C1orf159: variants seen among roughly 807,000 people sequenced by gnomAD.
C1orf159 encodes the protein chromosome 1 open reading frame 159.
In C1orf159, 19 loss-of-function variants were observed where a neutral mutation model predicts 25.6. The ratio of observed to expected loss-of-function variants is 0.74; its 90% confidence interval spans 0.52 to 1.09. C1orf159 has a LOEUF of 1.09. Ranked by LOEUF, C1orf159 falls within the 50% of genes least tolerant of loss-of-function variation. C1orf159 has a pLI of 0.00. For synonymous variants in C1orf159, 139 were observed against 124.7 expected (o/e 1.12, Z -0.77); for missense variants, 274 against 290.6 (o/e 0.94, Z 0.42).
chr1:1,085,702 G>A (rs779046422), intron 7 of C1orf159, among the ~76,000 whole-genome samples, 176 bp downstream of exon 7: 5 of 152,162 alleles, frequency 3.3e-5, no homozygotes, highest in East Asian at 1.9e-4. Flanking sequence ...GGCTGTTTCC[G>A]GGAAGTGACG....
chr1:1,110,092 C>T lies in C1orf159; in HGVS notation c.-136+5968G>A, dbSNP rs1357215478. On this transcript the variant is annotated intron_variant, in intron 1 of 9. Transcript: ENST00000421241. This position sits in a 1 kb window ranked among gnomAD's most constrained non-coding sequence, Gnocchi z 4.8. ...ACTGTAAGGGTGTGTGACTTAACCC[C>T]GGCCTGGCACGGCCTTAGGTCCTGA... Among the ~76,000 whole-genome samples the T allele has an allele frequency of 2.0e-5, 3 of 152,238 alleles. No individual in the cohort carries two copies. Among genetic ancestry groups the T allele is most frequent in the South Asian group, 2.1e-4 (1 of 4,832 alleles).
chr1:1,098,151 C>T (rs1646035162), intron 1 of C1orf159, among the ~76,000 whole-genome samples: 2 of 152,020 alleles, frequency 1.3e-5, no homozygotes, highest in South Asian at 4.1e-4. Context: ...TCACTGCCAG[C>T]TCCACCTCTA....
At chr1:1,086,157 T>G in intron 6 of C1orf159, 145 bp from the exon 7 acceptor site, 1 of 1,050,522 alleles carries the variant, frequency 9.5e-7, no homozygotes, top group Non-Finnish European at 1.4e-6. Flanking sequence ...CCGAGGGCTC[T>G]GCACATGGGC....
chr1:1,111,648 A>G (rs115393237), intron 1 of C1orf159, among the ~76,000 whole-genome samples: 5,419 of 152,302 alleles, frequency 0.036, 162 homozygotes, highest in Non-Finnish European at 0.06. Context: ...CGGCTGGGGC[A>G]GTGGGTAGAC....
rs551409760 is a variant in C1orf159 at position 1,110,771 on chromosome 1, G to A, written c.-136+5289C>T. On this transcript the variant is annotated intron_variant, in intron 1 of 9. Transcript: ENST00000421241. This position sits in a 1 kb window ranked among gnomAD's most constrained non-coding sequence, Gnocchi z 4.8. ...CCACCCGGGCGCCCTCAGAGACGACGAGCACGCAACAGCGCATCCCACACC... is the reference window on the plus strand; with the variant it reads ...CCACCCGGGCGCCCTCAGAGACGACAAGCACGCAACAGCGCATCCCACACC... 2.2e-4 allele frequency among the ~76,000 whole-genome samples: 33 copies of A among 152,246 alleles called. No individual in the cohort carries two copies. Among genetic ancestry groups the A allele is most frequent in the Non-Finnish European group, 3.2e-4 (22 of 68,016 alleles).
At position 1,082,238 on chromosome 1, in the gene C1orf159, T is replaced by A. The variant is rs924740095; in HGVS notation, c.*655A>T. The A allele has an allele frequency of 6.5e-6, 1 of 153,846 alleles. No individual in the cohort carries two copies. The allele number at this position is 153,846 out of a possible 1,614,324, so 9.5% of individuals were successfully genotyped here. A position where few individuals can be genotyped will look rare whatever the true frequency, so the allele number is the denominator to read the frequency against. ...GGGCCACAGAGCTCTGGAGGACTTT[T>A]CTGCACAATGAATTTCTGCTTAAAA... On this transcript the variant is annotated 3_prime_UTR_variant, in exon 10 of 10. Transcript: ENST00000421241.
intron 7 of C1orf159, among the ~76,000 whole-genome samples, chr1:1,085,093 G>A (rs1272749969): frequency 1.3e-5 from 2 of 152,316 alleles, no homozygotes; most frequent in South Asian, 2.1e-4. Context: ...TGGCTGTGCA[G>A]GAGACCCTGG....
intron 3 of C1orf159, chr1:1,090,909 C>G: frequency 6.4e-7 from 1 of 1,550,444 alleles, no homozygotes; most frequent in Non-Finnish European, 8.7e-7. Context: ...TGACCACAGG[C>G]AGACTGGACA....
chr1:1,090,494 A>G (rs1645911313), intron 3 of C1orf159, 66 bp from the exon 4 acceptor site: 1 of 1,492,672 alleles, frequency 6.7e-7, no homozygotes, highest in Non-Finnish European at 9.1e-7. Flanking sequence ...CCAGAGCAGC[A>G]GCGGCTGAGG....
intron 1 of C1orf159, among the ~76,000 whole-genome samples, chr1:1,096,820 G>A (rs1646015092): frequency 6.6e-6 from 1 of 151,826 alleles, no homozygotes; most frequent in South Asian, 2.1e-4. Flanking sequence ...AGTCTCCCAG[G>A]CCCAGGCCAT....
At chr1:1,109,339 C>T (rs1006396862) in intron 1 of C1orf159, among the ~76,000 whole-genome samples, 4 of 152,206 alleles carry the variant, frequency 2.6e-5, no homozygotes, top group African/African-American at 9.6e-5. Context: ...TTCATAGAGA[C>T]AGAAAAGACA....
intron 1 of C1orf159, among the ~76,000 whole-genome samples, chr1:1,113,680 A>G (rs1410765181): frequency 6.6e-6 from 1 of 152,206 alleles, no homozygotes; most frequent in East Asian, 1.9e-4. Flanking sequence ...GAAGCTTTAG[A>G]GCAGGAATGA....
intron 1 of C1orf159, among the ~76,000 whole-genome samples, chr1:1,115,515 A>C (rs1331167244): frequency 1.5e-3 from 58 of 38,610 alleles, no homozygotes; most frequent in Admixed American, 4.4e-3. Flanking sequence ...TGCCCCGAGA[A>C]CCCCCTCCCC....
Position 1,088,739 on chromosome 1 carries a change from C to T in C1orf159, c.149-1142G>A, listed in dbSNP as rs535740319. Among the ~76,000 whole-genome samples, 31 of 152,296 alleles carry T rather than the reference C, an allele frequency of 2.0e-4. No homozygotes were observed. The South Asian group carries it at 5.8e-3, about 29-fold the overall frequency. The stretch of plus-strand genomic sequence containing the variant: ...TGGTGCGGGCCACGGGTGGACCACA[C>T]GCCTCGACCCTTCCTCACAGACTGA... On this transcript the variant is annotated intron_variant, in intron 4 of 9. Coordinates refer to ENST00000421241, the MANE Select transcript of C1orf159 (RefSeq NM_017891.5).
rs560029684 is a variant in C1orf159 at position 1,087,188 on chromosome 1, C to T, written c.261G>A (p.Ala87=). ...CTGAGCTTCTGTTCATGGGGAATGG[C>T]GCACCCGGGCCAGCAACTGTGGGAT... ...SECRSFAGPG[A]PFPMNRSSGT... The change falls in exon 6 of 10, where the codon GCG becomes GCA. Residue 87 remains alanine (A), a synonymous_variant. Coordinates refer to ENST00000421241, the MANE Select transcript of C1orf159 (RefSeq NM_017891.5). The surrounding 1 kb of genome is among the most constrained non-coding windows in gnomAD (Gnocchi z 8.3). 139 of 1,608,260 alleles carry T rather than the reference C, an allele frequency of 8.6e-5. No individual in the cohort carries two copies. Among genetic ancestry groups the T allele is most frequent in the African/African-American group, 3.3e-4 (25 of 74,964 alleles).
chr1:1,091,573 A>G lies in C1orf159; in HGVS notation c.-22-8T>C. On this transcript the variant is annotated splice_region_variant and splice_polypyrimidine_tract_variant and intron_variant, in intron 2 of 9. Transcript: ENST00000421241. ...GGAGCAGATGCGCAGAGCCTGCCAC[A>G]GGGAGGAGCATGCGGAGCCAAAGAG... The G allele has an allele frequency of 1.4e-6, 2 of 1,407,198 alleles. No homozygotes were observed. The highest frequency in any genetic ancestry group is 1.2e-5 in the South Asian group (1 of 82,146). The allele number at this position is 1,407,198 out of a possible 1,614,324, so 87.2% of individuals were successfully genotyped here. A position where few individuals can be genotyped will look rare whatever the true frequency, so the allele number is the denominator to read the frequency against.
chr1:1,091,961 G>A (rs972409038), intron 2 of C1orf159, 30 bp downstream of exon 2: 8 of 456,984 alleles, frequency 1.8e-5, no homozygotes, highest in East Asian at 6.8e-5. Flanking sequence ...TTGGAGGCAC[G>A]GGTGGGGCGA....
intron 1 of C1orf159, among the ~76,000 whole-genome samples, chr1:1,102,988 C>G (rs886670833): frequency 1.3e-5 from 2 of 151,716 alleles, no homozygotes; most frequent in African/African-American, 4.8e-5. Flanking sequence ...ACCACCAAGC[C>G]CTGCTAAATT....
chr1:1,090,522 T>C, intron 3 of C1orf159, 94 bp from the exon 4 acceptor site: 1 of 1,285,412 alleles, frequency 7.8e-7, no homozygotes, highest in Non-Finnish European at 1.1e-6. Context: ...TGGGAGCACA[T>C]CTCAATGTCC....
Sources: gnomAD v4.1 joint callset for allele counts (sites outside exome capture counted in the v4.1 genomes callset) on GRCh38, gnomAD v4.1.1 for gene constraint, Gnocchi (gnomAD v3.1) non-coding constraint, MANE v1.5 for transcripts, NCBI Gene and HGNC (gene_info 2026-07-23, HGNC 2026-07-21) for gene names.